CCR6: variants seen among roughly 807,000 people sequenced by gnomAD.
The protein encoded by CCR6 is C-C chemokine receptor type 6.
A neutral mutation model predicts 3.0 loss-of-function variants in CCR6; 2 were observed. The ratio of observed to expected loss-of-function variants is 0.66; its 90% CI spans 0.27 to 2.07. The LOEUF is 2.07. Among genes scored for constraint, CCR6 ranks in the 30% most tolerant of loss-of-function variants. The probability of loss-of-function intolerance (pLI) is 0.14; values close to 1 mark genes in which losing one functional copy is unlikely to be tolerated. For missense variants in CCR6, 322 were observed against 462.8 expected, an observed-to-expected ratio of 0.70 and a Z score of 2.79; for synonymous variants, 193 against 184.3, an observed-to-expected ratio of 1.05 and a Z score of -0.38.
intron 1 of CCR6, among the ~76,000 whole-genome samples, chr6:167,117,415 C>CTTTTTT (rs35058463): frequency 5.5e-5 from 6 of 109,896 alleles, no homozygotes; most frequent in East Asian, 2.6e-4. Context: ...TTTTTTTTTT[C>CTTTTTT]TTTTTTTTTT....
At chr6:167,133,932 G>GTATATATATATATATATATATA (rs6149918) in intron 1 of CCR6, among the ~76,000 whole-genome samples, 10 of 110,388 alleles carry the variant, frequency 9.1e-5, no homozygotes, top group African/African-American at 3.5e-4. Flanking sequence ...ATATATGTGT[G>GTATATATATATATATATATATA]TATATATATA....
Position 167,136,770 on chromosome 6 carries a change from C to T in CCR6, c.540C>T (p.Ser180=), listed in dbSNP as rs1388569869. Residue 180 remains serine, a synonymous_variant, in exon 3 of 3, where the codon AGC becomes AGT. Transcript: ENST00000341935. The surrounding 1 kb of genome is among the most constrained non-coding windows in gnomAD (Gnocchi z 4.6). The part of the protein sequence containing the change: ...VVWGLSVIIS[S]STFVFNQKYN... ...GGGGGCTGTCAGTCATCATCTCCAGCTCAACTTTTGTCTTCAACCAAAAAT... is the reference window on the plus strand; with the variant it reads ...GGGGGCTGTCAGTCATCATCTCCAGTTCAACTTTTGTCTTCAACCAAAAAT... 1 of 1,613,876 alleles carries T rather than the reference C, an allele frequency of 6.2e-7. No homozygotes were observed. Among genetic ancestry groups the T allele is most frequent in the Non-Finnish European group, 8.5e-7 (1 of 1,180,050 alleles).
At chr6:167,134,092 C>T (rs530549906) in intron 1 of CCR6, among the ~76,000 whole-genome samples, 1 of 151,836 alleles carries the variant, frequency 6.6e-6, no homozygotes, top group East Asian at 1.9e-4. Context: ...TATCATTTCT[C>T]ACTGTATTTG....
chr6:167,137,565 G>T lies in CCR6; in HGVS notation c.*210G>T. The T allele has an allele frequency of 1.9e-6, 1 of 528,582 alleles. No individual in the cohort carries two copies. Among genetic ancestry groups the T allele is most frequent in the Non-Finnish European group, 3.3e-6 (1 of 299,734 alleles). 32.7% of individuals were successfully genotyped at this position (528,582 alleles called of 1,614,324 possible). A position where few individuals can be genotyped will look rare whatever the true frequency, so the allele number is the denominator to read the frequency against. ...GGTAGCATTTTCCAGCACTTTGCAA[G>T]GAATGTTTTGTAGCTCTAGGGTATA... On this transcript the variant is annotated 3_prime_UTR_variant, in exon 3 of 3. Transcript: ENST00000341935. The surrounding 1 kb of genome is among the most constrained non-coding windows in gnomAD (Gnocchi z 4.6).
chr6:167,128,869 C>T (rs3093016), intron 1 of CCR6, among the ~76,000 whole-genome samples: 13,447 of 152,212 alleles, frequency 0.088, 1,195 homozygotes, highest in African/African-American at 0.22. Flanking sequence ...CCAATGCACG[C>T]GGCCTGCTTA....
intron 1 of CCR6, 77 bp from the exon 2 acceptor site, chr6:167,135,961 T>TGCTGGTAACTTA (rs1372884316): frequency 1.5e-6 from 1 of 680,274 alleles, no homozygotes; most frequent in East Asian, 2.5e-5. Flanking sequence ...CGAGATGGAA[T>TGCTGGTAACTTA]GCTGGTAACT....
At chr6:167,125,489 C>T (rs778395620) in intron 1 of CCR6, among the ~76,000 whole-genome samples, 5 of 152,170 alleles carry the variant, frequency 3.3e-5, no homozygotes, top group Non-Finnish European at 7.4e-5. Context: ...TATTGGTCTC[C>T]CTGAGAGTGT....
rs6149918 is a variant in CCR6 at position 167,133,932 on chromosome 6, GTATATATATATATATATATATATA to G, written c.-97-2091_-97-2068del. 7.9e-3 allele frequency among the ~76,000 whole-genome samples: 876 copies of G among 110,300 alleles called. 39 individuals are homozygous for G. Among genetic ancestry groups the G allele is most frequent in the Non-Finnish European group, 0.01 (587 of 57,616 alleles). 72.4% of individuals were successfully genotyped at this position (110,300 alleles called of 152,430 possible). On this transcript the variant is annotated intron_variant, in intron 1 of 2. Coordinates refer to ENST00000341935, the MANE Select transcript of CCR6 (RefSeq NM_031409.4). ...ATACTATTATATATGATATATGTGT[GTATATATATATATATATATATATA>G]TATATATATATATAGTTTTAACATC...
In CCR6 at chr6:167,133,932, G is replaced by GTATATATATATATATA. The variant is rs6149918; in HGVS notation, c.-97-2083_-97-2068dup. On this transcript the variant is annotated intron_variant, in intron 1 of 2. Transcript: ENST00000341935. The stretch of plus-strand genomic sequence containing the variant: ...ATACTATTATATATGATATATGTGT[G>GTATATATATATATATA]TATATATATATATATATATATATAT... Among the ~76,000 whole-genome samples, 216 of 110,294 alleles carry GTATATATATATATATA rather than the reference G, an allele frequency of 2.0e-3. 10 individuals are homozygous for GTATATATATATATATA. Among genetic ancestry groups the GTATATATATATATATA allele is most frequent in the African/African-American group, 7.5e-3 (170 of 22,818 alleles). The allele number at this position is 110,294 out of a possible 152,430, so 72.4% of individuals were successfully genotyped here.
chr6:167,132,541 G>A (rs925321556), intron 1 of CCR6, among the ~76,000 whole-genome samples: 4 of 151,982 alleles, frequency 2.6e-5, no homozygotes, highest in African/African-American at 4.8e-5. Context: ...GTGTGTGTGT[G>A]TATGTGTGTG....
chr6:167,124,676 A>G lies in CCR6; in HGVS notation c.-98+1453A>G, dbSNP rs1410757861. The stretch of plus-strand genomic sequence containing the variant: ...CAGTCCTAGATGAGCTACACTCGCT[A>G]TCTGTAAAATGGGTATGATGTCTAC... On this transcript the variant is annotated intron_variant, in intron 1 of 2. Transcript: ENST00000341935. Among the ~76,000 whole-genome samples the G allele has an allele frequency of 3.9e-5, 6 of 152,208 alleles. No homozygotes were observed. The East Asian group carries it at 9.6e-4, about 24-fold the overall frequency.
At chr6:167,131,031 T>TC (rs1781755449) in intron 1 of CCR6, among the ~76,000 whole-genome samples, 3 of 114,230 alleles carry the variant, frequency 2.6e-5, no homozygotes, top group Middle Eastern at 4.6e-3. Context: ...CCCCCATCCC[T>TC]CTGGACCCCT....
chr6:167,136,444 G>C lies in CCR6; in HGVS notation c.214G>C (p.Ala72Pro). The C allele has an allele frequency of 6.2e-7, 1 of 1,609,918 alleles. No individual in the cohort carries two copies. Among genetic ancestry groups the C allele is most frequent in the Non-Finnish European group, 8.5e-7 (1 of 1,178,360 alleles). ...LGNILVVITF[A>P]FYKKARSMTD... ...GAATATTCTGGTGGTGATCACCTTT[G>C]CTTTTTATAAGAAGGCCAGGTCTAT... is the stretch of plus-strand genomic sequence containing the variant. Residue 72 changes from alanine (A) to proline (P), a missense_variant, in exon 3 of 3, where the codon GCT becomes CCT. Ala to Pro is a conservative substitution (Grantham distance 27, BLOSUM62 -1). Coordinates refer to ENST00000341935, the MANE Select transcript of CCR6 (RefSeq NM_031409.4). The surrounding 1 kb of genome is among the most constrained non-coding windows in gnomAD (Gnocchi z 4.6).
At chr6:167,126,106 C>T (rs1781664747) in intron 1 of CCR6, 1 of 152,144 alleles carries the variant, frequency 6.6e-6, no homozygotes, top group African/African-American at 2.4e-5. Context: ...GGTAGGATAG[C>T]TTGAGGCCAG....
chr6:167,131,026 A>ACTCC (rs1781755355), intron 1 of CCR6, among the ~76,000 whole-genome samples: 1 of 72,464 alleles, frequency 1.4e-5, no homozygotes, highest in African/African-American at 7.9e-5. Flanking sequence ...TGGGACCCCC[A>ACTCC]TCCCTCTGGA....
Position 167,136,380 on chromosome 6 carries a change from G to T in CCR6, c.150G>T (p.Pro50=). ...EVRQFSRLFV[P]IAYSLICVFG... is the part of the protein sequence containing the mutation. Reference sequence around the variant, plus strand: ...GGCAGTTCTCCAGGCTATTTGTACCGATTGCCTACTCCTTGATCTGTGTCT... The same window carrying T: ...GGCAGTTCTCCAGGCTATTTGTACCTATTGCCTACTCCTTGATCTGTGTCT... Residue 50 remains proline (P), a synonymous_variant, in exon 3 of 3, where the codon CCG becomes CCT. Transcript: ENST00000341935. The surrounding 1 kb of genome is among the most constrained non-coding windows in gnomAD (Gnocchi z 4.6). 6.2e-7 allele frequency: 1 copy of T among 1,614,110 alleles called. No homozygotes were observed. The highest frequency in any genetic ancestry group is 8.5e-7 in the Non-Finnish European group (1 of 1,180,006).
intron 1 of CCR6, chr6:167,129,350 C>T (rs947227449): frequency 6.6e-6 from 1 of 152,388 alleles, no homozygotes; most frequent in Non-Finnish European, 1.5e-5. Context: ...CTGAGTGTTA[C>T]CAAACCCACG....
chr6:167,136,049 C>G lies in CCR6; in HGVS notation c.-86C>G. 6.7e-7 allele frequency: 1 copy of G among 1,493,862 alleles called. No homozygotes were observed. Among genetic ancestry groups the G allele is most frequent in the Non-Finnish European group, 9.1e-7 (1 of 1,094,358 alleles). The allele number at this position is 1,493,862 out of a possible 1,614,324, so 92.5% of individuals were successfully genotyped here. ...TCTTTCCTTCTTAGAGTCACCTCTACTTTCCTGCTACCGCTGCCTGTGAGC... is the reference window on the plus strand; with the variant it reads ...TCTTTCCTTCTTAGAGTCACCTCTAGTTTCCTGCTACCGCTGCCTGTGAGC... On this transcript the variant is annotated 5_prime_UTR_variant, in exon 2 of 3. Coordinates refer to ENST00000341935, the MANE Select transcript of CCR6 (RefSeq NM_031409.4). The surrounding 1 kb of genome is among the most constrained non-coding windows in gnomAD (Gnocchi z 4.6).
At chr6:167,129,573 T>C (rs1781721051) in intron 1 of CCR6, 1 of 148,038 alleles carries the variant, frequency 6.8e-6, no homozygotes, top group Non-Finnish European at 1.5e-5. Context: ...GCAAATTCAC[T>C]GCAACATTCC....
Sources: allele counts gnomAD v4.1 joint callset (sites outside exome capture counted in the v4.1 genomes callset), GRCh38; gene constraint gnomAD v4.1.1; non-coding constraint Gnocchi (gnomAD v3.1); transcripts MANE v1.5; gene names NCBI Gene and HGNC (gene_info 2026-07-23, HGNC 2026-07-21).